Variants in KAZN observed in about 807,000 individuals in gnomAD.
KAZN encodes kazrin, periplakin interacting protein.
KAZN carries 40 observed loss-of-function variants against 87.4 expected under a neutral mutation model. That is an observed-to-expected ratio of 0.46 (90% confidence interval 0.36 to 0.60). The LOEUF is 0.60. Among genes scored for constraint, KAZN ranks in the 20% least tolerant of loss-of-function variants. The pLI, the probability that KAZN is intolerant of heterozygous loss-of-function variation, is 0.00. For missense variants in KAZN, 898 were observed against 1,073.9 expected (o/e 0.84, Z 2.29); for synonymous variants, 466 against 458.3 (o/e 1.02, Z -0.22).
chr1:13,928,191 G>T (rs956632256), intron 1 of KAZN, among the ~76,000 whole-genome samples: 4 of 152,192 alleles, frequency 2.6e-5, no homozygotes, highest in African/African-American at 9.7e-5. Flanking sequence ...TTAAAAATGT[G>T]CCATACCTGG....
At chr1:14,574,178 C>T (rs1044253809) in intron 2 of KAZN, among the ~76,000 whole-genome samples, 3 of 152,120 alleles carry the variant, frequency 2.0e-5, no homozygotes, top group Non-Finnish European at 4.4e-5. Context: ...CTGTCATTCC[C>T]CTCACCCCCA....
intron 2 of KAZN, among the ~76,000 whole-genome samples, chr1:14,550,808 A>C (rs1673470732): frequency 7.4e-6 from 1 of 134,946 alleles, no homozygotes; most frequent in South Asian, 2.7e-4. Context: ...TCAGGATCAG[A>C]CTGAAATTCT....
At chr1:14,825,909 T>A (rs895732856) in intron 1 of KAZN, among the ~76,000 whole-genome samples, 3 of 152,196 alleles carry the variant, frequency 2.0e-5, no homozygotes, top group African/African-American at 7.2e-5. Flanking sequence ...GGAGGGCACA[T>A]TGATATCTCC....
chr1:14,212,722 C>T (rs997777683), intron 2 of KAZN, among the ~76,000 whole-genome samples: 5 of 152,172 alleles, frequency 3.3e-5, no homozygotes, highest in African/African-American at 1.2e-4. Flanking sequence ...CTTACTATTT[C>T]TAACCTCCCA....
At chr1:14,914,563 C>T (rs1346315964) in intron 1 of KAZN, among the ~76,000 whole-genome samples, 1 of 152,194 alleles carries the variant, frequency 6.6e-6, no homozygotes, top group African/African-American at 2.4e-5. Flanking sequence ...AAGGGACAGG[C>T]CTGGCCGGCA....
intron 1 of KAZN, among the ~76,000 whole-genome samples, chr1:14,617,815 C>T (rs1474805757): frequency 6.6e-6 from 1 of 152,096 alleles, no homozygotes; most frequent in African/African-American, 2.4e-5. Context: ...AATAAAAATC[C>T]CAAAGCGCAA....
intron 1 of KAZN, among the ~76,000 whole-genome samples, chr1:14,715,573 G>C (rs967928184): frequency 6.6e-6 from 1 of 152,200 alleles, no homozygotes; most frequent in Admixed American, 6.5e-5. Flanking sequence ...ATGTTCGGGG[G>C]CTGGCAGATG....
At chr1:14,155,742 C>G (rs1645579532) in intron 1 of KAZN, among the ~76,000 whole-genome samples, 1 of 151,992 alleles carries the variant, frequency 6.6e-6, no homozygotes, top group African/African-American at 2.4e-5. Context: ...CTCTGCCTCC[C>G]AGATACAAGT....
intron 2 of KAZN, among the ~76,000 whole-genome samples, chr1:14,995,956 A>G (rs114459891): frequency 0.019 from 2,882 of 152,202 alleles, 91 homozygotes; most frequent in African/African-American, 0.066. Flanking sequence ...CTTGTCCTGG[A>G]AAATAAGCCG....
At chr1:14,644,991 A>G (rs1680703402) in intron 1 of KAZN, among the ~76,000 whole-genome samples, 1 of 152,142 alleles carries the variant, frequency 6.6e-6, no homozygotes, top group Non-Finnish European at 1.5e-5. Flanking sequence ...TGGTGTAAGG[A>G]AGGGGTCCAA....
At chr1:14,055,681 C>T (rs1642521545) in intron 1 of KAZN, among the ~76,000 whole-genome samples, 2 of 152,110 alleles carry the variant, frequency 1.3e-5, no homozygotes, top group South Asian at 2.1e-4. Context: ...TGCTGTCGCT[C>T]CACAGAAGGT....
intron 2 of KAZN, among the ~76,000 whole-genome samples, chr1:14,307,216 G>A (rs1654991912): frequency 6.6e-6 from 1 of 152,088 alleles, no homozygotes; most frequent in African/African-American, 2.4e-5. Flanking sequence ...GACACCCTCT[G>A]CACCTGTCTA....
chr1:14,416,890 G>A (rs1335666753), intron 2 of KAZN, among the ~76,000 whole-genome samples: 1 of 151,980 alleles, frequency 6.6e-6, no homozygotes, highest in Non-Finnish European at 1.5e-5. Context: ...AGGAGTTTAA[G>A]ACCAGCCTGG....
At chr1:14,269,061 A>G (rs1295470262) in intron 2 of KAZN, among the ~76,000 whole-genome samples, 1 of 152,236 alleles carries the variant, frequency 6.6e-6, no homozygotes, top group Non-Finnish European at 1.5e-5. Flanking sequence ...AGGAGATGTT[A>G]CTGTGAGTAA....
chr1:14,013,618 G>A (rs1357482552), intron 1 of KAZN, among the ~76,000 whole-genome samples: 1 of 152,124 alleles, frequency 6.6e-6, no homozygotes, highest in African/African-American at 2.4e-5. Context: ...AGGGTTCGAT[G>A]GAAAATAACC....
chr1:14,750,914 A>T (rs1013552973), intron 1 of KAZN, among the ~76,000 whole-genome samples: 3 of 152,180 alleles, frequency 2.0e-5, no homozygotes, highest in Non-Finnish European at 4.4e-5. Context: ...ATCCAGTGTA[A>T]CCCCTGATGT....
intron 1 of KAZN, among the ~76,000 whole-genome samples, chr1:13,995,638 C>T (rs1639479184): frequency 6.6e-6 from 1 of 152,146 alleles, no homozygotes; most frequent in African/African-American, 2.4e-5. Flanking sequence ...CCAATCAAAC[C>T]CCATACCTTT....
chr1:14,364,460 CTGT>C (rs1328638176), intron 2 of KAZN, among the ~76,000 whole-genome samples: 1 of 152,154 alleles, frequency 6.6e-6, no homozygotes, highest in African/African-American at 2.4e-5. Flanking sequence ...ATGTTCACTA[CTGT>C]TATTATTCAT....
intron 8 of KAZN, among the ~76,000 whole-genome samples, chr1:15,070,985 G>T (rs1454814685): frequency 6.6e-6 from 1 of 152,188 alleles, no homozygotes; most frequent in East Asian, 1.9e-4. Flanking sequence ...GCCCCCACCT[G>T]TTCCCATTTT....
Sources: gnomAD v4.1 joint callset for allele counts (sites outside exome capture counted in the v4.1 genomes callset) on GRCh38, gnomAD v4.1.1 for gene constraint, MANE v1.5 for transcripts, NCBI Gene and HGNC (gene_info 2026-07-23, HGNC 2026-07-21) for gene names.